CBFA2T3: variants seen among roughly 807,000 people sequenced by gnomAD.
CBFA2T3 encodes the protein transcriptional corepressor CBFA2T3.
CBFA2T3 carries 31 observed loss-of-function variants against 58.6 expected under a neutral mutation model. The ratio of observed to expected loss-of-function variants is 0.53; its 90% CI spans 0.40 to 0.71. The LOEUF (loss-of-function observed/expected upper bound fraction) is 0.71, where lower values mean the gene tolerates loss of function less well. Ranked by LOEUF, CBFA2T3 falls within the 30% of genes least tolerant of loss-of-function variation. The probability of loss-of-function intolerance (pLI) is 0.00; values close to 1 mark genes in which losing one functional copy is unlikely to be tolerated. For synonymous variants in CBFA2T3, 531 were observed against 421.9 expected, an observed-to-expected ratio of 1.26 and a Z score of -3.17; for missense variants, 1,076 against 963.1, an observed-to-expected ratio of 1.12 and a Z score of -1.55.
At chr16:88,968,866 G>A (rs1972579311) in intron 1 of CBFA2T3, among the ~76,000 whole-genome samples, 1 of 152,170 alleles carries the variant, frequency 6.6e-6, no homozygotes, top group African/African-American at 2.4e-5. Flanking sequence ...TGACAGGGTG[G>A]CGAGGCCCTG....
chr16:88,907,671 G>C (rs1321968397), intron 1 of CBFA2T3, among the ~76,000 whole-genome samples: 1 of 152,226 alleles, frequency 6.6e-6, no homozygotes, highest in Non-Finnish European at 1.5e-5. Flanking sequence ...CCTGCAGCCT[G>C]GGAACCCCGA....
At chr16:88,912,720 C>CA (rs2142705337) in intron 1 of CBFA2T3, among the ~76,000 whole-genome samples, 1 of 152,354 alleles carries the variant, frequency 6.6e-6, no homozygotes, top group African/African-American at 2.4e-5. Flanking sequence ...CGCATAAGGA[C>CA]AAAGCCCCCT....
At position 88,882,732 on chromosome 16, in the gene CBFA2T3, T is replaced by A. The variant is rs765402128; in HGVS notation, c.1147A>T (p.Ile383Phe). 2 of 1,588,794 alleles carry A rather than the reference T, an allele frequency of 1.3e-6. No individual in the cohort carries two copies. Among genetic ancestry groups the A allele is most frequent in the East Asian group, 4.5e-5 (2 of 44,014 alleles). Residue 383 changes from isoleucine (I) to phenylalanine (F), a missense_variant, in exon 8 of 12, where the codon ATC becomes TTC. Transcript: ENST00000268679. ...VVPGSRQEEVIDHKLTEREWA... is the reference protein window; with the variant it reads ...VVPGSRQEEVFDHKLTEREWA... ...TCACGCTCTGTGAGCTTGTGGTCGA[T>A]CACTTCTTCCTGCCGGGACCCAGGC...
At chr16:88,890,777 C>T (rs1192863252) in intron 5 of CBFA2T3, among the ~76,000 whole-genome samples, 1 of 152,164 alleles carries the variant, frequency 6.6e-6, no homozygotes, top group Non-Finnish European at 1.5e-5. Flanking sequence ...AGTGCAGTGG[C>T]GTGATCACAG....
chr16:88,888,139 A>C (rs1969457522), intron 5 of CBFA2T3, among the ~76,000 whole-genome samples: 1 of 151,718 alleles, frequency 6.6e-6, no homozygotes, highest in Non-Finnish European at 1.5e-5. Flanking sequence ...GAGATTCACC[A>C]CCCCAACTAC....
In CBFA2T3 at chr16:88,885,054, C is replaced by T. The variant is rs144606503; in HGVS notation, c.1109G>A (p.Arg370Gln). 1.2e-5 allele frequency: 19 copies of T among 1,597,674 alleles called. No homozygotes were observed. The highest frequency in any genetic ancestry group is 1.7e-4 in the Middle Eastern group (1 of 6,002). Residue 370 changes from arginine (R) to glutamine (Q), a missense_variant, in exon 7 of 12, where the codon CGG (arginine) becomes CAG (glutamine). Arg to Gln is a conservative substitution (Grantham distance 43). Coordinates refer to ENST00000268679, the MANE Select transcript of CBFA2T3 (RefSeq NM_005187.6). The surrounding 1 kb of genome is among the most constrained non-coding windows in gnomAD (Gnocchi z 5.3). ...PDPRELRERH[R>Q]PLVVPGSRQE... ...CCCACCGGGCTGCTCACCAAGCGGC[C>T]GATGGCGCTCTCGTAGCTCCCGGGG...
chr16:88,969,932 G>A (rs1236636323), intron 1 of CBFA2T3, among the ~76,000 whole-genome samples: 1 of 152,252 alleles, frequency 6.6e-6, no homozygotes, highest in South Asian at 2.1e-4. Context: ...AGAAGCTGTG[G>A]CTGTTGGAGG....
intron 1 of CBFA2T3, among the ~76,000 whole-genome samples, chr16:88,975,107 T>C (rs558687323): frequency 0.039 from 1,785 of 46,316 alleles, 41 homozygotes; most frequent in African/African-American, 0.085. Flanking sequence ...TACTCTGTGT[T>C]AGAGGCCACC....
At chr16:88,941,925 TGCCCCGCGCTCGCCCCCA>T (rs1188074998) in intron 1 of CBFA2T3, 1 of 149,976 alleles carries the variant, frequency 6.7e-6, no homozygotes, top group Non-Finnish European at 1.5e-5. Context: ...CCCCGCCCCC[TGCCCCGCGCTCGCCCCCA>T]GCGCGGCGCC....
At chr16:88,915,979 CAT>C (rs1260790937) in intron 1 of CBFA2T3, among the ~76,000 whole-genome samples, 1 of 152,084 alleles carries the variant, frequency 6.6e-6, no homozygotes, top group African/African-American at 2.4e-5. Context: ...GGTCTGTATT[CAT>C]GTGTGTCCAT....
intron 1 of CBFA2T3, among the ~76,000 whole-genome samples, chr16:88,914,161 C>T (rs908845635): frequency 3.9e-5 from 6 of 152,252 alleles, no homozygotes; most frequent in Admixed American, 2.6e-4. Context: ...CTCTCACAAA[C>T]GCGGTGGCCA....
intron 1 of CBFA2T3, among the ~76,000 whole-genome samples, chr16:88,921,708 T>C (rs901033025): frequency 6.6e-6 from 1 of 152,160 alleles, no homozygotes; most frequent in African/African-American, 2.4e-5. Context: ...CCCCTGGGAA[T>C]TAGGATCCTG....
At chr16:88,910,267 T>C (rs904761232) in intron 1 of CBFA2T3, among the ~76,000 whole-genome samples, 1 of 152,216 alleles carries the variant, frequency 6.6e-6, no homozygotes, top group African/African-American at 2.4e-5. Context: ...TTCCCGGTGA[T>C]GCTGCAGCCC....
At chr16:88,907,164 C>G (rs553818936) in intron 1 of CBFA2T3, among the ~76,000 whole-genome samples, 73 of 152,358 alleles carry the variant, frequency 4.8e-4, no homozygotes, top group African/African-American at 1.6e-3. Flanking sequence ...CGAGGACACC[C>G]ACATGTATTT....
chr16:88,890,309 C>T (rs1969577166), intron 5 of CBFA2T3, among the ~76,000 whole-genome samples: 1 of 152,204 alleles, frequency 6.6e-6, no homozygotes, highest in Non-Finnish European at 1.5e-5. Flanking sequence ...GAGGAACTGG[C>T]CTCACCCAGG....
rs772001261 is a variant in CBFA2T3, at chr16:88,880,674, T to C, written c.1471+46A>G. The C allele has an allele frequency of 1.3e-5, 19 of 1,493,128 alleles. 1 individual carries two copies. The South Asian group carries it at 2.3e-4, about 18-fold the overall frequency. 92.5% of individuals were successfully genotyped at this position (1,493,128 alleles called of 1,614,324 possible). On this transcript the variant is annotated intron_variant, in intron 10 of 11. Coordinates refer to ENST00000268679, the MANE Select transcript of CBFA2T3 (RefSeq NM_005187.6). ...CCGGTGAGAGGCGCATCTGGGGCCCTGGCCTCCCACAGCTCTGCTGGCCAG... is the reference window on the plus strand; with the variant it reads ...CCGGTGAGAGGCGCATCTGGGGCCCCGGCCTCCCACAGCTCTGCTGGCCAG...
chr16:88,918,169 C>T (rs1002097797), intron 1 of CBFA2T3, among the ~76,000 whole-genome samples: 3 of 152,270 alleles, frequency 2.0e-5, no homozygotes, highest in Admixed American at 6.5e-5. Context: ...GACCCTGGGC[C>T]GGGGATGCCT....
At chr16:88,974,432 T>C (rs1300157244) in intron 1 of CBFA2T3, among the ~76,000 whole-genome samples, 1 of 151,910 alleles carries the variant, frequency 6.6e-6, no homozygotes, top group Non-Finnish European at 1.5e-5. Flanking sequence ...TCTGTGGCCA[T>C]CTTCTGATTG....
intron 1 of CBFA2T3, among the ~76,000 whole-genome samples, chr16:88,914,044 G>A (rs927077554): frequency 2.0e-5 from 3 of 152,230 alleles, no homozygotes; most frequent in Non-Finnish European, 4.4e-5. Context: ...GGGACACGAG[G>A]CTGCAGCACG....
Sources: gnomAD v4.1 joint callset for allele counts (sites outside exome capture counted in the v4.1 genomes callset) on GRCh38, gnomAD v4.1.1 for gene constraint, Gnocchi (gnomAD v3.1) non-coding constraint, MANE v1.5 for transcripts, NCBI Gene and HGNC (gene_info 2026-07-23, HGNC 2026-07-21) for gene names.